MVK: variants seen among roughly 807,000 people sequenced by gnomAD.
MVK encodes the protein mevalonate kinase, also known as LH receptor mRNA-binding protein.
In MVK, 34 loss-of-function variants were observed where a neutral mutation model predicts 43.2. The ratio of observed to expected loss-of-function variants is 0.79; its 90% CI spans 0.60 to 1.05. MVK has a LOEUF of 1.05. Among genes scored for constraint, MVK ranks in the 50% least tolerant of loss-of-function variants. The probability of loss-of-function intolerance (pLI) is 0.00; values close to 1 mark genes in which losing one functional copy is unlikely to be tolerated. For missense variants in MVK, 395 were observed against 504.0 expected (o/e 0.78, Z 2.07); for synonymous variants, 190 against 219.8 (o/e 0.86, Z 1.20).
chr12:109,573,564 C>A, upstream of MVK: 1 of 1,483,790 alleles, frequency 6.7e-7, no homozygotes, highest in Non-Finnish European at 9.1e-7. Flanking sequence ...GGCCGCGCCA[C>A]CGCTCAGGTT....
At position 109,595,559 on chromosome 12, in the gene MVK, T is replaced by G. The variant is rs1245606413; in HGVS notation, c.1039+378T>G. Reference sequence around the variant, plus strand: ...CTTGATGTGGTCAGGATGCGGTTGATTTTGCTACAAAACGAAAGGGTTTCC... The same window carrying G: ...CTTGATGTGGTCAGGATGCGGTTGAGTTTGCTACAAAACGAAAGGGTTTCC... On this transcript the variant is annotated intron_variant, in intron 10 of 10. Coordinates refer to ENST00000228510, the MANE Select transcript of MVK (RefSeq NM_000431.4). This position sits in a 1 kb window ranked among gnomAD's most constrained non-coding sequence, Gnocchi z 5.9. 1.3e-5 allele frequency among the ~76,000 whole-genome samples: 2 copies of G among 152,078 alleles called. No individual in the cohort carries two copies. The highest frequency in any genetic ancestry group is 6.5e-5 in the Admixed American group (1 of 15,272).
intron 9 of MVK, among the ~76,000 whole-genome samples, chr12:109,593,277 A>G (rs1358953654): frequency 6.6e-6 from 1 of 152,244 alleles, no homozygotes; most frequent in Non-Finnish European, 1.5e-5. Context: ...TCATTTGTCA[A>G]AAATGGTGAG....
rs1419194869 is a variant in MVK at position 109,590,825 on chromosome 12, G to T, written c.732G>T (p.Arg244Ser). ...LTNTKVPRNTRALVAGVRNRL... is the reference protein window; with the variant it reads ...LTNTKVPRNTSALVAGVRNRL... ...ACACCAAAGTCCCTCGCAATACCAGGGCCCTTGTGGCTGGCGTCAGAAACA... is the reference window on the plus strand; with the variant it reads ...ACACCAAAGTCCCTCGCAATACCAGTGCCCTTGTGGCTGGCGTCAGAAACA... Residue 244 changes from arginine (R) to serine (S), a missense_variant, in exon 8 of 11, where the codon AGG (arginine) becomes AGT (serine). By Grantham distance (110) the Arg-to-Ser change is moderately radical. Coordinates refer to ENST00000228510, the MANE Select transcript of MVK (RefSeq NM_000431.4). 6.2e-7 allele frequency: 1 copy of T among 1,614,190 alleles called. No individual in the cohort carries two copies. Among genetic ancestry groups the T allele is most frequent in the Admixed American group, 1.7e-5 (1 of 60,032 alleles).
At chr12:109,594,604 CT>C (rs560579755) in intron 9 of MVK, among the ~76,000 whole-genome samples, 2 of 152,352 alleles carry the variant, frequency 1.3e-5, no homozygotes, top group South Asian at 4.1e-4. Context: ...ATCTGTCCAT[CT>C]GCCACGTAAT....
intron 5 of MVK, among the ~76,000 whole-genome samples, chr12:109,584,432 T>C (rs909104202): frequency 6.6e-6 from 1 of 152,170 alleles, no homozygotes; most frequent in Non-Finnish European, 1.5e-5. Context: ...GCACATCCTA[T>C]CTCCTGGGCA....
chr12:109,596,927 A>C lies in MVK; in HGVS notation c.*350A>C. On this transcript the variant is annotated 3_prime_UTR_variant, in exon 11 of 11. Transcript: ENST00000228510. ...TCCTGGCCGCCTGGGTCCAATGCTC[A>C]GGTGCTGGGGCCTGGTTCCCGGAGA... 1 of 381,098 alleles carries C rather than the reference A, an allele frequency of 2.6e-6. No individual in the cohort carries two copies. Among genetic ancestry groups the C allele is most frequent in the East Asian group, 6.2e-5 (1 of 16,064 alleles). The allele number at this position is 381,098 out of a possible 1,614,324, so 23.6% of individuals were successfully genotyped here.
intron 3 of MVK, 29 bp downstream of exon 3, chr12:109,576,174 G>A (rs774440687): frequency 6.2e-7 from 1 of 1,613,792 alleles, no homozygotes. Flanking sequence ...AACCAGGTGT[G>A]CTAAGAGCCT....
chr12:109,592,635 G>T (rs996611234), intron 9 of MVK, among the ~76,000 whole-genome samples: 1 of 152,228 alleles, frequency 6.6e-6, no homozygotes, highest in Non-Finnish European at 1.5e-5. Flanking sequence ...TGAAGTAGGT[G>T]TCTTATCCCT....
chr12:109,592,273 G>A (rs1180140496), intron 9 of MVK, among the ~76,000 whole-genome samples: 1 of 152,214 alleles, frequency 6.6e-6, no homozygotes, highest in Non-Finnish European at 1.5e-5. Flanking sequence ...AATGTCTGGT[G>A]TGCTATGAGC....
chr12:109,580,591 A>T (rs1456414135), intron 4 of MVK, among the ~76,000 whole-genome samples: 1 of 152,148 alleles, frequency 6.6e-6, no homozygotes, highest in Non-Finnish European at 1.5e-5. Flanking sequence ...TGAGAGAGGC[A>T]TGTCCCCTTA....
intron 10 of MVK, among the ~76,000 whole-genome samples, chr12:109,596,164 G>A (rs1221856025): frequency 3.9e-5 from 6 of 152,222 alleles, no homozygotes; most frequent in African/African-American, 1.2e-4. Flanking sequence ...GAGGCCACAC[G>A]GCCAGTACAA....
At position 109,579,873 on chromosome 12, in the gene MVK, G is replaced by T; in HGVS notation, c.298G>T (p.Asp100Tyr). 1 of 1,614,246 alleles carries T rather than the reference G, an allele frequency of 6.2e-7. No homozygotes were observed. The highest frequency in any genetic ancestry group is 8.5e-7 in the Non-Finnish European group (1 of 1,180,052). The change falls in exon 4 of 11, where the codon GAC becomes TAC. Residue 100 changes from aspartate (D) to tyrosine (Y), a missense_variant. Asp to Tyr is a radical substitution (Grantham distance 160). Coordinates refer to ENST00000228510, the MANE Select transcript of MVK (RefSeq NM_000431.4). ...KLKEVAGLPD[D>Y]CAVTERLAVL... Reference sequence around the variant, plus strand: ...AAAGGAGGTTGCAGGCTTGCCTGACGACTGTGCTGTCACCGAGCGCCTGGC... The same window carrying T: ...AAAGGAGGTTGCAGGCTTGCCTGACTACTGTGCTGTCACCGAGCGCCTGGC...
chr12:109,591,053 C>T (rs1177428798), intron 8 of MVK, among the ~76,000 whole-genome samples, 188 bp from the exon 9 acceptor site: 1 of 152,158 alleles, frequency 6.6e-6, no homozygotes, highest in African/African-American at 2.4e-5. Flanking sequence ...TGACAGTGGT[C>T]GGGCTCGTTA....
intron 7 of MVK, among the ~76,000 whole-genome samples, chr12:109,587,511 C>T (rs142112090): frequency 3.9e-5 from 6 of 152,202 alleles, no homozygotes; most frequent in Non-Finnish European, 8.8e-5. Context: ...AGAGGGGAGC[C>T]AGGTGCCTTT....
chr12:109,590,951 T>G, intron 8 of MVK, 90 bp downstream of exon 8: 1 of 1,385,176 alleles, frequency 7.2e-7, no homozygotes, highest in Non-Finnish European at 1.0e-6. Context: ...GCTGATGGGT[T>G]ATAGGGGGTG....
chr12:109,594,994 G>A, intron 9 of MVK, 34 bp from the exon 10 acceptor site: 4 of 1,613,708 alleles, frequency 2.5e-6, no homozygotes, highest in Non-Finnish European at 3.4e-6. Context: ...CCTCAGGCAG[G>A]CCAAGTGGGA....
intron 5 of MVK, among the ~76,000 whole-genome samples, chr12:109,581,757 C>G (rs1885228062): frequency 6.6e-6 from 1 of 152,176 alleles, no homozygotes; most frequent in South Asian, 2.1e-4. Context: ...AACTCAGAGT[C>G]TGAGCTTTTC....
chr12:109,596,635 G>A lies in MVK; in HGVS notation c.*58G>A. On this transcript the variant is annotated 3_prime_UTR_variant, in exon 11 of 11. Transcript: ENST00000228510. ...TGCCCCTTTCTGGATTATTCTGGGG[G>A]CTGCAGTTCGACTCTGTGCTGGCCA... The A allele has an allele frequency of 6.3e-7, 1 of 1,589,290 alleles. No individual in the cohort carries two copies. Among genetic ancestry groups the A allele is most frequent in the Non-Finnish European group, 8.5e-7 (1 of 1,173,526 alleles).
At chr12:109,590,949 GT>G in intron 8 of MVK, 88 bp downstream of exon 8, 2 of 1,374,204 alleles carry the variant, frequency 1.5e-6, no homozygotes, top group South Asian at 2.4e-5. Context: ...TGGCTGATGG[GT>G]TATAGGGGGT....
Sources: gnomAD v4.1 joint callset for allele counts (sites outside exome capture counted in the v4.1 genomes callset) on GRCh38, gnomAD v4.1.1 for gene constraint, Gnocchi (gnomAD v3.1) non-coding constraint, MANE v1.5 for transcripts, NCBI Gene and HGNC (gene_info 2026-07-23, HGNC 2026-07-21) for gene names.